Variants in HIP1 observed in about 807,000 individuals in gnomAD.
The protein encoded by HIP1 is huntingtin-interacting protein 1.
Under a neutral mutation model 147.6 loss-of-function variants are expected in HIP1, and 65 were observed. The observed-to-expected ratio is 0.44, with a 90% CI of 0.36 to 0.54. The LOEUF (loss-of-function observed/expected upper bound fraction) is 0.54, where lower values mean the gene tolerates loss of function less well. HIP1 is among the 20% of genes least tolerant of loss of function. The probability of loss-of-function intolerance (pLI) is 0.00; values close to 1 mark genes in which losing one functional copy is unlikely to be tolerated. For missense variants in HIP1, 1,061 were observed against 1,299.6 expected (o/e 0.82, Z 2.82); for synonymous variants, 479 against 504.0 (o/e 0.95, Z 0.67).
At chr7:75,738,728 C>T in intron 1 of HIP1, 73 bp downstream of exon 1, 1 of 1,524,032 alleles carries the variant, frequency 6.6e-7, no homozygotes, top group East Asian at 2.4e-5. Context: ...GACTCCTACT[C>T]CCTTCAAAGC....
chr7:75,583,522 G>A (rs1796134406), intron 5 of HIP1, among the ~76,000 whole-genome samples: 1 of 152,128 alleles, frequency 6.6e-6, no homozygotes, highest in South Asian at 2.1e-4. Flanking sequence ...GGTGCCTGGT[G>A]AGGCGCTTCA....
intron 1 of HIP1, among the ~76,000 whole-genome samples, chr7:75,665,211 A>G (rs567217351): frequency 3.5e-4 from 54 of 152,232 alleles, no homozygotes; most frequent in Middle Eastern, 3.4e-3. Flanking sequence ...ACAGTGAGCT[A>G]TGATCAAGCC....
At chr7:75,585,975 C>T (rs895510230) in intron 5 of HIP1, among the ~76,000 whole-genome samples, 5 of 149,224 alleles carry the variant, frequency 3.4e-5, no homozygotes, top group African/African-American at 1.2e-4. Context: ...CTACCACGCC[C>T]GGCTAATTTT....
intron 1 of HIP1, among the ~76,000 whole-genome samples, chr7:75,607,979 G>T (rs1261735177): frequency 6.6e-6 from 1 of 152,104 alleles, no homozygotes; most frequent in Non-Finnish European, 1.5e-5. Flanking sequence ...CTGGCACAAG[G>T]GAGCCGTGAC....
chr7:75,575,289 T>C (rs1795807032), intron 7 of HIP1, among the ~76,000 whole-genome samples: 1 of 151,750 alleles, frequency 6.6e-6, no homozygotes, highest in East Asian at 2.0e-4. Flanking sequence ...GGCAAAACCC[T>C]GTCTCTACTA....
chr7:75,662,629 C>A (rs975833624), intron 1 of HIP1, among the ~76,000 whole-genome samples: 1 of 152,278 alleles, frequency 6.6e-6, no homozygotes, highest in East Asian at 1.9e-4. Context: ...CCTCAACTTC[C>A]CTAGAAGCTG....
In HIP1 at chr7:75,549,129, G is replaced by A. The variant is rs1794682508; in HGVS notation, c.2296-128C>T. ...CAAACACCTTCTGCAAGCCACAGGGGTTGTGGGGGGGTCTTTTGCAGACCC... is the reference window on the plus strand; with the variant it reads ...CAAACACCTTCTGCAAGCCACAGGGATTGTGGGGGGGTCTTTTGCAGACCC... On this transcript the variant is annotated intron_variant, in intron 22 of 30. Coordinates refer to ENST00000336926, the MANE Select transcript of HIP1 (RefSeq NM_005338.7). The A allele has an allele frequency of 3.8e-5, 24 of 624,018 alleles. No homozygotes were observed. The South Asian group carries it at 4.3e-4, about 11-fold the overall frequency. 38.7% of individuals were successfully genotyped at this position (624,018 alleles called of 1,614,324 possible).
At chr7:75,731,463 A>T (rs1554523012) in intron 1 of HIP1, among the ~76,000 whole-genome samples, 1 of 143,972 alleles carries the variant, frequency 6.9e-6, no homozygotes, top group Non-Finnish European at 1.5e-5. Flanking sequence ...AGCCTGGGTG[A>T]CAGAGACTCC....
chr7:75,555,416 C>T lies in HIP1; in HGVS notation c.1963G>A (p.Asp655Asn). The change falls in exon 19 of 31, where the codon GAT (aspartate) becomes AAT (asparagine). Residue 655 changes from aspartate (D) to asparagine (N), a missense_variant and splice_region_variant. Coordinates refer to ENST00000336926, the MANE Select transcript of HIP1 (RefSeq NM_005338.7). ...GCCAGCTGGGCAATTGCAAGTGTAC[C>T]TGCAGACCCAGCGCAGCTGATGAGA... is the stretch of plus-strand genomic sequence containing the variant. ...PPLISCAGSADHLLSTVTSIS... is the reference protein window; with the variant it reads ...PPLISCAGSANHLLSTVTSIS... 1 of 1,613,460 alleles carries T rather than the reference C, an allele frequency of 6.2e-7. No homozygotes were observed. The highest frequency in any genetic ancestry group is 8.5e-7 in the Non-Finnish European group (1 of 1,180,024).
chr7:75,570,560 G>A (rs1451099776), intron 8 of HIP1, among the ~76,000 whole-genome samples: 4 of 151,778 alleles, frequency 2.6e-5, no homozygotes, highest in African/African-American at 9.7e-5. Flanking sequence ...CAAAGTGCTG[G>A]GATTACAGGC....
chr7:75,573,733 G>A, intron 8 of HIP1, 28 bp downstream of exon 8: 1 of 1,605,732 alleles, frequency 6.2e-7, no homozygotes, highest in Non-Finnish European at 8.5e-7. Context: ...TGAATCTCAT[G>A]TAAGAAGATC....
At chr7:75,595,956 C>T (rs1239098039) in intron 2 of HIP1, among the ~76,000 whole-genome samples, 4 of 152,024 alleles carry the variant, frequency 2.6e-5, no homozygotes, top group African/African-American at 9.7e-5. Context: ...TAGATAAATG[C>T]GCTGGGCATG....
At chr7:75,702,030 A>C (rs1349738658) in intron 1 of HIP1, among the ~76,000 whole-genome samples, 1 of 151,574 alleles carries the variant, frequency 6.6e-6, no homozygotes, top group African/African-American at 2.4e-5. Flanking sequence ...CCCGGGTTCA[A>C]GCGATTCTCC....
intron 1 of HIP1, among the ~76,000 whole-genome samples, chr7:75,713,732 T>A (rs1554520304): frequency 4.0e-5 from 6 of 151,518 alleles, no homozygotes; most frequent in Non-Finnish European, 7.4e-5. Flanking sequence ...AGTCTCGCTC[T>A]GTTGCCCAGG....
At chr7:75,705,006 G>A (rs879996253) in intron 1 of HIP1, among the ~76,000 whole-genome samples, 4 of 152,146 alleles carry the variant, frequency 2.6e-5, no homozygotes, top group Non-Finnish European at 5.9e-5. Context: ...CAAGTTTTAA[G>A]TTGTGGTAAA....
rs6466687 is a variant in HIP1, at chr7:75,574,969, G to A, written c.605-1068C>T. On this transcript the variant is annotated intron_variant, in intron 7 of 30. Transcript: ENST00000336926. Reference sequence around the variant, plus strand: ...GAGCCTGAGTTTGAGACCAGCCTGAGCAACATGGCAAAACCTTATCTCTAC... The same window carrying A: ...GAGCCTGAGTTTGAGACCAGCCTGAACAACATGGCAAAACCTTATCTCTAC... Among the ~76,000 whole-genome samples, 347 of 151,876 alleles carry A rather than the reference G, an allele frequency of 2.3e-3. 1 individual carries two copies. Among genetic ancestry groups the A allele is most frequent in the African/African-American group, 8.0e-3 (331 of 41,394 alleles).
intron 1 of HIP1, among the ~76,000 whole-genome samples, chr7:75,678,712 C>T (rs999660854): frequency 3.9e-5 from 6 of 152,170 alleles, no homozygotes; most frequent in Non-Finnish European, 7.3e-5. Flanking sequence ...TGCCGATTAT[C>T]TGCTGGGCCA....
chr7:75,642,120 C>G (rs956984973), intron 1 of HIP1, among the ~76,000 whole-genome samples: 21 of 152,204 alleles, frequency 1.4e-4, no homozygotes, highest in African/African-American at 4.6e-4. Flanking sequence ...AACAACAGGC[C>G]GGGTGCAGTG....
intron 1 of HIP1, among the ~76,000 whole-genome samples, chr7:75,688,176 A>T (rs1800327588): frequency 6.6e-6 from 1 of 152,172 alleles, no homozygotes; most frequent in Non-Finnish European, 1.5e-5. Flanking sequence ...GATGCAACAC[A>T]GCACCTGCCC....
Sources: allele counts gnomAD v4.1 joint callset (sites outside exome capture counted in the v4.1 genomes callset), GRCh38; gene constraint gnomAD v4.1.1; transcripts MANE v1.5; gene names NCBI Gene and HGNC (gene_info 2026-07-23, HGNC 2026-07-21).